The following ARFGEF3 variants were observed in gnomAD, a reference collection of about 807,000 sequenced individuals.
The protein encoded by ARFGEF3 is brefeldin A-inhibited guanine nucleotide-exchange protein 3.
Under a neutral mutation model 221.7 loss-of-function variants are expected in ARFGEF3, and 96 were observed. The observed-to-expected ratio is 0.43, with a 90% CI of 0.37 to 0.51. ARFGEF3 has a LOEUF of 0.51. ARFGEF3 is among the 20% of genes least tolerant of loss of function. The pLI is 0.00. For missense variants in ARFGEF3, 2,410 were observed against 2,789.9 expected (o/e 0.86, Z 3.07); for synonymous variants, 1,145 against 1,126.8 (o/e 1.02, Z -0.32).
chr6:138,328,815 G>A (rs993913783), intron 32 of ARFGEF3, among the ~76,000 whole-genome samples: 3 of 152,016 alleles, frequency 2.0e-5, no homozygotes, highest in Non-Finnish European at 2.9e-5. Context: ...CATAGTAAGA[G>A]CCATCTCTAC....
intron 22 of ARFGEF3, among the ~76,000 whole-genome samples, chr6:138,301,295 AG>A (rs1779625111): frequency 6.6e-6 from 1 of 152,262 alleles, no homozygotes; most frequent in African/African-American, 2.4e-5. Flanking sequence ...TCTTAAAAAC[AG>A]TGTTTGCTAG....
chr6:138,264,739 T>C (rs559667813), intron 12 of ARFGEF3, among the ~76,000 whole-genome samples: 42 of 152,174 alleles, frequency 2.8e-4, no homozygotes, highest in African/African-American at 8.4e-4. Flanking sequence ...TTCACACACA[T>C]ACATGAAAAA....
intron 2 of ARFGEF3, among the ~76,000 whole-genome samples, chr6:138,183,766 G>T (rs1243897008): frequency 6.6e-6 from 1 of 152,164 alleles, no homozygotes; most frequent in Non-Finnish European, 1.5e-5. Context: ...ACCTCGAGCT[G>T]GTCATTTTGC....
chr6:138,335,704 T>G (rs565399768), intron 33 of ARFGEF3, among the ~76,000 whole-genome samples: 3 of 152,328 alleles, frequency 2.0e-5, no homozygotes, highest in African/African-American at 7.2e-5. Context: ...AGAGAGACCC[T>G]GTCTTTAAAA....
intron 12 of ARFGEF3, among the ~76,000 whole-genome samples, chr6:138,270,831 G>A (rs998594338): frequency 7.9e-5 from 12 of 152,290 alleles, no homozygotes; most frequent in Non-Finnish European, 1.6e-4. Context: ...GCGGAATAGA[G>A]GGAATGATGG....
At chr6:138,228,418 C>G (rs1329860513) in intron 4 of ARFGEF3, among the ~76,000 whole-genome samples, 1 of 150,352 alleles carries the variant, frequency 6.7e-6, no homozygotes, top group Admixed American at 6.6e-5. Flanking sequence ...AACTCCTAAT[C>G]TCAAGTGATC....
At chr6:138,196,488 T>C (rs1777425329) in intron 2 of ARFGEF3, among the ~76,000 whole-genome samples, 1 of 152,174 alleles carries the variant, frequency 6.6e-6, no homozygotes, top group African/African-American at 2.4e-5. Context: ...TAAAAAATGG[T>C]ACACCTGTAT....
chr6:138,210,121 C>A (rs1777697956), intron 4 of ARFGEF3, 80 bp downstream of exon 4: 3 of 1,442,512 alleles, frequency 2.1e-6, no homozygotes, highest in Admixed American at 3.8e-5. Flanking sequence ...TCTGAAAATG[C>A]CTCTGCGTTG....
At chr6:138,306,953 T>TAA (rs71773390) in intron 22 of ARFGEF3, among the ~76,000 whole-genome samples, 12 of 113,708 alleles carry the variant, frequency 1.1e-4, no homozygotes, top group South Asian at 2.8e-4. Context: ...TAAGGAACTC[T>TAA]AAAAAAAAAA....
intron 29 of ARFGEF3, among the ~76,000 whole-genome samples, 199 bp downstream of exon 29, chr6:138,321,424 C>A (rs1780025561): frequency 6.6e-6 from 1 of 152,112 alleles, no homozygotes; most frequent in Admixed American, 6.5e-5. Flanking sequence ...AGACATTATA[C>A]AAAGTATTCT....
Position 138,291,198 on chromosome 6 carries a change from C to T in ARFGEF3, c.3048-535C>T, listed in dbSNP as rs1003479902. 3.9e-5 allele frequency among the ~76,000 whole-genome samples: 6 copies of T among 152,292 alleles called. No homozygotes were observed. In the East Asian group the frequency reaches 5.8e-4, roughly 15 times the overall value. ...TTCGGTGACTGCCCTCCCACCCGGC[C>T]GCCACCCACCCCACCCAGACTTGAG... On this transcript the variant is annotated intron_variant, in intron 18 of 33. Coordinates refer to ENST00000251691, the MANE Select transcript of ARFGEF3 (RefSeq NM_020340.5). This position sits in a 1 kb window ranked among gnomAD's most constrained non-coding sequence, Gnocchi z 4.5.
Position 138,263,607 on chromosome 6 carries a change from C to T in ARFGEF3, c.2124C>T (p.Cys708=), listed in dbSNP as rs1442487031. Residue 708 remains cysteine (C), a synonymous_variant, in exon 12 of 34, where the codon TGC becomes TGT. Transcript: ENST00000251691. ...TALQNFASTF[C]SGMMHSPGFD... is the part of the protein sequence containing the mutation. ...TGCAGAACTTTGCCTCTACTTTCTG[C>T]TCAGGTTTGTAAACAATTCTCTGCT... 1.3e-6 allele frequency: 2 copies of T among 1,594,666 alleles called. No individual in the cohort carries two copies. Among genetic ancestry groups the T allele is most frequent in the Admixed American group, 3.4e-5 (2 of 59,110 alleles).
At position 138,308,742 on chromosome 6, in the gene ARFGEF3, A is replaced by G; in HGVS notation, c.3977A>G (p.Lys1326Arg). 1 of 1,613,972 alleles carries G rather than the reference A, an allele frequency of 6.2e-7. No homozygotes were observed. The highest frequency in any genetic ancestry group is 1.3e-5 in the African/African-American group (1 of 75,072). ...EYLVGDYSMG[K>R]GQAPVFDVFE... Reference sequence around the variant, plus strand: ...TTCTATAATCTTCCTCCCTTAGGAAAAGGCCAAGCTCCAGTGTTTGATGTA... The same window carrying G: ...TTCTATAATCTTCCTCCCTTAGGAAGAGGCCAAGCTCCAGTGTTTGATGTA... The change falls in exon 24 of 34, where the codon AAA becomes AGA. Residue 1326 changes from lysine (K) to arginine (R), a missense_variant. Physicochemically the swap from Lys to Arg is conservative, Grantham distance 26. Coordinates refer to ENST00000251691, the MANE Select transcript of ARFGEF3 (RefSeq NM_020340.5).
intron 2 of ARFGEF3, among the ~76,000 whole-genome samples, chr6:138,170,927 T>A (rs778163988): frequency 1.4e-4 from 21 of 152,178 alleles, no homozygotes; most frequent in Non-Finnish European, 2.9e-4. Flanking sequence ...GCAAGGGCCT[T>A]CTTGCTGCGT....
intron 32 of ARFGEF3, among the ~76,000 whole-genome samples, chr6:138,329,294 C>T (rs542866320): frequency 6.6e-6 from 1 of 152,160 alleles, no homozygotes; most frequent in Non-Finnish European, 1.5e-5. Context: ...TCCCATTTCA[C>T]CCCTGAGGGC....
chr6:138,272,048 A>G (rs17568542), intron 12 of ARFGEF3, among the ~76,000 whole-genome samples: 5,725 of 152,348 alleles, frequency 0.038, 147 homozygotes, highest in Non-Finnish European at 0.056. Context: ...AGACTTGAAA[A>G]TACCAGTGGA....
intron 1 of ARFGEF3, among the ~76,000 whole-genome samples, chr6:138,169,855 T>C (rs1468385743): frequency 6.6e-6 from 1 of 152,214 alleles, no homozygotes; most frequent in African/African-American, 2.4e-5. Context: ...ATATTTCACA[T>C]TTGTTATTCT....
At chr6:138,183,415 G>A (rs546140540) in intron 2 of ARFGEF3, among the ~76,000 whole-genome samples, 1 of 152,362 alleles carries the variant, frequency 6.6e-6, no homozygotes, top group African/African-American at 2.4e-5. Context: ...CAGGCATTCA[G>A]TACAGAGGAT....
intron 17 of ARFGEF3, among the ~76,000 whole-genome samples, chr6:138,289,478 A>T (rs189727427): frequency 3.6e-4 from 55 of 152,360 alleles, no homozygotes; most frequent in African/African-American, 1.3e-3. Flanking sequence ...GGGAAGGGTG[A>T]AAGGTCTGGG....
Sources: gnomAD v4.1 joint callset for allele counts (sites outside exome capture counted in the v4.1 genomes callset) on GRCh38, gnomAD v4.1.1 for gene constraint, Gnocchi (gnomAD v3.1) non-coding constraint, MANE v1.5 for transcripts, NCBI Gene and HGNC (gene_info 2026-07-23, HGNC 2026-07-21) for gene names.